PTPRO: variants seen among roughly 807,000 people sequenced by gnomAD.
PTPRO encodes the protein protein tyrosine phosphatase receptor type O, also known as receptor-type tyrosine-protein phosphatase O.
Under a neutral mutation model 145.2 loss-of-function variants are expected in PTPRO, and 62 were observed. That is an observed-to-expected ratio of 0.43 (90% confidence interval 0.35 to 0.53). PTPRO has a LOEUF of 0.53. Ranked by LOEUF, PTPRO falls within the 20% of genes least tolerant of loss-of-function variation. The pLI, the probability that PTPRO is intolerant of heterozygous loss-of-function variation, is 0.01. For missense variants in PTPRO, 1,345 were observed against 1,482.7 expected, an observed-to-expected ratio of 0.91 and a Z score of 1.53; for synonymous variants, 565 against 514.7, an observed-to-expected ratio of 1.10 and a Z score of -1.32.
chr12:15,528,670 A>G (rs112075908), intron 12 of PTPRO, among the ~76,000 whole-genome samples: 17 of 152,186 alleles, frequency 1.1e-4, no homozygotes, highest in Non-Finnish European at 2.1e-4. Context: ...AGCCAGGTTC[A>G]TGAGGGTCTG....
At chr12:15,448,724 C>G (rs1940972395) in intron 1 of PTPRO, among the ~76,000 whole-genome samples, 1 of 152,162 alleles carries the variant, frequency 6.6e-6, no homozygotes, top group African/African-American at 2.4e-5. Context: ...CGTCAGCTTT[C>G]CATGTTCATT....
chr12:15,459,206 G>T (rs1307758202), intron 1 of PTPRO, among the ~76,000 whole-genome samples: 1 of 152,138 alleles, frequency 6.6e-6, no homozygotes, highest in Non-Finnish European at 1.5e-5. Flanking sequence ...AAGTAGATGA[G>T]ATCTGTCGTT....
intron 12 of PTPRO, among the ~76,000 whole-genome samples, chr12:15,527,875 A>ACCCCCCCCCCCCCCCCCCCCCCCCACCCC (rs1555173370): frequency 7.3e-6 from 1 of 137,650 alleles, no homozygotes; most frequent in Non-Finnish European, 1.6e-5. Flanking sequence ...GGGAACTGTG[A>ACCCCCCCCCCCCCCCCCCCCCCCCACCCC]CCCGCCCACG....
chr12:15,467,256 C>T (rs779771084), intron 1 of PTPRO, among the ~76,000 whole-genome samples: 3 of 152,168 alleles, frequency 2.0e-5, no homozygotes, highest in Middle Eastern at 3.4e-3. Flanking sequence ...ATTCTGGATC[C>T]GTGTATCCCA....
chr12:15,525,332 C>T (rs1200738688), intron 11 of PTPRO, among the ~76,000 whole-genome samples: 2 of 152,166 alleles, frequency 1.3e-5, no homozygotes, highest in Non-Finnish European at 2.9e-5. Flanking sequence ...GATTTCTTTT[C>T]TCCAAAATAC....
chr12:15,454,561 T>C (rs543576467), intron 1 of PTPRO, among the ~76,000 whole-genome samples: 1 of 152,236 alleles, frequency 6.6e-6, no homozygotes, highest in South Asian at 2.1e-4. Flanking sequence ...TGCAGAAACT[T>C]TATAGTTTGA....
chr12:15,387,456 T>C (rs1939061216), intron 1 of PTPRO, among the ~76,000 whole-genome samples: 1 of 152,262 alleles, frequency 6.6e-6, no homozygotes. Context: ...ATGCCATTCC[T>C]CATGCTTTCT....
intron 1 of PTPRO, among the ~76,000 whole-genome samples, chr12:15,333,888 T>G (rs1866681546): frequency 6.6e-6 from 1 of 152,190 alleles, no homozygotes; most frequent in Non-Finnish European, 1.5e-5. Flanking sequence ...CCTTGTGTAA[T>G]GAAGCAAAAG....
chr12:15,384,994 C>A (rs780052758), intron 1 of PTPRO, among the ~76,000 whole-genome samples: 1 of 152,142 alleles, frequency 6.6e-6, no homozygotes, highest in East Asian at 1.9e-4. Flanking sequence ...TGTGAACCAG[C>A]AAATGTATGC....
intron 25 of PTPRO, among the ~76,000 whole-genome samples, chr12:15,593,040 G>C (rs955249302): frequency 3.3e-5 from 5 of 152,136 alleles, no homozygotes; most frequent in African/African-American, 1.2e-4. Context: ...TAGCCACTAA[G>C]CAGATGCAGA....
chr12:15,460,108 C>G (rs1301346511), intron 1 of PTPRO, among the ~76,000 whole-genome samples: 3 of 152,162 alleles, frequency 2.0e-5, no homozygotes, highest in Non-Finnish European at 4.4e-5. Context: ...AAATACTTCT[C>G]AATATTTTTG....
chr12:15,412,418 T>C (rs976776954), intron 1 of PTPRO, among the ~76,000 whole-genome samples: 1 of 152,264 alleles, frequency 6.6e-6, no homozygotes, highest in Non-Finnish European at 1.5e-5. Flanking sequence ...GGTCATTGGA[T>C]AAGTTACCAA....
chr12:15,372,485 G>A (rs780677423), intron 1 of PTPRO, among the ~76,000 whole-genome samples: 6 of 152,164 alleles, frequency 3.9e-5, no homozygotes, highest in East Asian at 1.9e-4. Context: ...ATGTGGCAGC[G>A]AAAATGCAAT....
In PTPRO at chr12:15,578,605, T is replaced by C. The variant is rs1024842; in HGVS notation, c.2830-248T>C. Among the ~76,000 whole-genome samples the C allele has an allele frequency of 0.19, 28,885 of 152,048 alleles. 2,888 individuals carry two copies. The highest frequency in any genetic ancestry group is 0.26 in the Middle Eastern group (76 of 292). On this transcript the variant is annotated intron_variant, in intron 19 of 26. Coordinates refer to ENST00000281171, the MANE Select transcript of PTPRO (RefSeq NM_030667.3). ...TTCCCTGGGCATGTCTTTTTCAGGG[T>C]AGATGGCAGGCACACAAGAGGGCAA...
intron 9 of PTPRO, among the ~76,000 whole-genome samples, chr12:15,519,113 G>C (rs1447295988): frequency 2.6e-5 from 4 of 152,202 alleles, no homozygotes; most frequent in Non-Finnish European, 5.9e-5. Context: ...CACGTGGCTG[G>C]GGAAGCCCCA....
chr12:15,427,520 TAGTC>T (rs1386949030), intron 1 of PTPRO, among the ~76,000 whole-genome samples: 2 of 151,790 alleles, frequency 1.3e-5, no homozygotes, highest in African/African-American at 2.4e-5. Flanking sequence ...GAATTTTTCT[TAGTC>T]ATATCTATGA....
intron 12 of PTPRO, among the ~76,000 whole-genome samples, chr12:15,540,783 A>C (rs748875329): frequency 6.6e-6 from 1 of 152,258 alleles, no homozygotes; most frequent in Non-Finnish European, 1.5e-5. Flanking sequence ...GATCCTAGGC[A>C]ACAGCTTGAG....
At chr12:15,365,270 C>T (rs1488655500) in intron 1 of PTPRO, among the ~76,000 whole-genome samples, 1 of 152,102 alleles carries the variant, frequency 6.6e-6, no homozygotes, top group Non-Finnish European at 1.5e-5. Context: ...TTTGGCCAGT[C>T]CACATGATCG....
chr12:15,339,851 C>T (rs968898719), intron 1 of PTPRO, among the ~76,000 whole-genome samples: 1 of 152,108 alleles, frequency 6.6e-6, no homozygotes, highest in African/African-American at 2.4e-5. Flanking sequence ...TTTAAAACTA[C>T]ATGTTGCTAG....
Sources: allele counts gnomAD v4.1 joint callset (sites outside exome capture counted in the v4.1 genomes callset), GRCh38; gene constraint gnomAD v4.1.1; transcripts MANE v1.5; gene names NCBI Gene and HGNC (gene_info 2026-07-23, HGNC 2026-07-21).